TTC28: variants seen among roughly 807,000 people sequenced by gnomAD.
TTC28 encodes tetratricopeptide repeat protein 28.
TTC28 carries 61 observed loss-of-function variants against 198.0 expected under a neutral mutation model. The observed-to-expected ratio is 0.31, with a 90% CI of 0.25 to 0.38. TTC28 has a LOEUF of 0.38. TTC28 is among the 10% of genes least tolerant of loss of function. The probability of loss-of-function intolerance (pLI) is 1.00; values close to 1 mark genes in which losing one functional copy is unlikely to be tolerated. For missense variants in TTC28, 2,678 were observed against 3,164.0 expected (o/e 0.85, Z 3.69); for synonymous variants, 1,171 against 1,297.8 (o/e 0.90, Z 2.10).
At chr22:28,052,877 GTCT>G (rs1940139222) in intron 12 of TTC28, among the ~76,000 whole-genome samples, 1 of 152,192 alleles carries the variant, frequency 6.6e-6, no homozygotes, top group South Asian at 2.1e-4. Flanking sequence ...AAATCATAAA[GTCT>G]TCTCCGACAC....
intron 2 of TTC28, among the ~76,000 whole-genome samples, chr22:28,534,348 A>C (rs554212126): frequency 1.4e-3 from 208 of 152,274 alleles, no homozygotes; most frequent in African/African-American, 4.4e-3. Flanking sequence ...AAATGCAAAT[A>C]AAAACCACAA....
At chr22:28,043,290 A>T (rs1477087056) in intron 12 of TTC28, among the ~76,000 whole-genome samples, 1 of 146,050 alleles carries the variant, frequency 6.8e-6, no homozygotes, top group African/African-American at 2.5e-5. Flanking sequence ...TGCCTCCCTG[A>T]TTCACAGGGT....
chr22:28,296,468 G>T, intron 4 of TTC28, 140 bp from the exon 5 acceptor site: 1 of 826,148 alleles, frequency 1.2e-6, no homozygotes, highest in Non-Finnish European at 1.7e-6. Flanking sequence ...AAAAGTATTT[G>T]TTTCTTCCAC....
At chr22:28,263,320 T>A (rs1355208722) in intron 5 of TTC28, among the ~76,000 whole-genome samples, 2 of 152,124 alleles carry the variant, frequency 1.3e-5, no homozygotes, top group South Asian at 2.1e-4. Context: ...TTTAGAGAGA[T>A]TGAGCAACTC....
intron 12 of TTC28, among the ~76,000 whole-genome samples, chr22:28,072,626 AC>A (rs1454366756): frequency 6.6e-6 from 1 of 152,146 alleles, no homozygotes; most frequent in African/African-American, 2.4e-5. Flanking sequence ...TTTGGCTCTT[AC>A]CCCCCTGTGT....
chr22:28,159,098 G>A (rs1470581763), intron 6 of TTC28, among the ~76,000 whole-genome samples: 1 of 152,124 alleles, frequency 6.6e-6, no homozygotes, highest in East Asian at 1.9e-4. Context: ...TTAAAAATGG[G>A]CAAAAGATTT....
chr22:28,049,319 C>T (rs1300041920), intron 12 of TTC28, among the ~76,000 whole-genome samples: 1 of 152,156 alleles, frequency 6.6e-6, no homozygotes, highest in East Asian at 1.9e-4. Flanking sequence ...AGAACCAAGT[C>T]AGTCACTGGA....
intron 2 of TTC28, among the ~76,000 whole-genome samples, chr22:28,558,418 A>G (rs923670706): frequency 2.6e-5 from 4 of 152,216 alleles, no homozygotes; most frequent in African/African-American, 9.6e-5. Flanking sequence ...TCACGCCTGT[A>G]ATCCCAGTAC....
chr22:28,607,097 G>C (rs888553532), intron 2 of TTC28, among the ~76,000 whole-genome samples: 1 of 152,060 alleles, frequency 6.6e-6, no homozygotes, highest in Non-Finnish European at 1.5e-5. Flanking sequence ...GCCCAAACAG[G>C]CCTTGATAAG....
At chr22:28,475,271 A>G (rs1209145571) in intron 2 of TTC28, among the ~76,000 whole-genome samples, 1 of 152,020 alleles carries the variant, frequency 6.6e-6, no homozygotes, top group Non-Finnish European at 1.5e-5. Context: ...AGGCTATCCC[A>G]GCAGCTAAGG....
At chr22:28,573,232 G>A (rs966203575) in intron 2 of TTC28, among the ~76,000 whole-genome samples, 1 of 151,810 alleles carries the variant, frequency 6.6e-6, no homozygotes, top group East Asian at 1.9e-4. Context: ...TGAGGTGGGC[G>A]GATCACAGGG....
chr22:28,093,937 T>C, intron 12 of TTC28, 143 bp downstream of exon 12: 1 of 828,220 alleles, frequency 1.2e-6, no homozygotes, highest in Non-Finnish European at 1.8e-6. Context: ...ACATATTTGT[T>C]TCTGCTGCAG....
intron 5 of TTC28, among the ~76,000 whole-genome samples, chr22:28,284,264 C>A (rs886817003): frequency 3.9e-5 from 6 of 152,078 alleles, no homozygotes; most frequent in Non-Finnish European, 2.9e-5. Context: ...CCTTTCCCAC[C>A]AGAAGCTCCC....
chr22:28,463,820 T>C (rs1338755036), intron 2 of TTC28, among the ~76,000 whole-genome samples: 1 of 151,966 alleles, frequency 6.6e-6, no homozygotes. Context: ...AAATGACAAG[T>C]TAATGGGTGC....
At chr22:28,606,359 G>A (rs1222709450) in intron 2 of TTC28, among the ~76,000 whole-genome samples, 2 of 152,050 alleles carry the variant, frequency 1.3e-5, no homozygotes, top group Non-Finnish European at 2.9e-5. Flanking sequence ...AAAGTGCTGG[G>A]ATTACAGGCA....
At chr22:28,236,411 A>G (rs1929253389) in intron 5 of TTC28, among the ~76,000 whole-genome samples, 2 of 152,202 alleles carry the variant, frequency 1.3e-5, no homozygotes. Context: ...TCCAAGGTAA[A>G]GAATGAAAAG....
intron 5 of TTC28, among the ~76,000 whole-genome samples, chr22:28,294,780 G>T (rs775686433): frequency 2.0e-4 from 31 of 151,946 alleles, no homozygotes; most frequent in Non-Finnish European, 3.4e-4. Flanking sequence ...TGTTGGCCAG[G>T]CTGGTCTTCA....
At chr22:28,515,857 T>G (rs111534266) in intron 2 of TTC28, among the ~76,000 whole-genome samples, 3,024 of 152,210 alleles carry the variant, frequency 0.02, 30 homozygotes, top group Non-Finnish European at 0.027. Context: ...AAAATTTCAG[T>G]GAGTTCAGCC....
chr22:28,475,251 G>T (rs1005918801), intron 2 of TTC28, among the ~76,000 whole-genome samples: 1 of 151,792 alleles, frequency 6.6e-6, no homozygotes, highest in African/African-American at 2.4e-5. Context: ...TCAGGGCTGC[G>T]GGTGGCCAGA....
Sources: gnomAD v4.1 joint callset for allele counts (sites outside exome capture counted in the v4.1 genomes callset) on GRCh38, gnomAD v4.1.1 for gene constraint, MANE v1.5 for transcripts, NCBI Gene and HGNC (gene_info 2026-07-23, HGNC 2026-07-21) for gene names.